TMEM61: variants seen among roughly 807,000 people sequenced by gnomAD.
TMEM61 encodes transmembrane protein 61.
In TMEM61, 13 loss-of-function variants were observed where a neutral mutation model predicts 12.0. The ratio of observed to expected loss-of-function variants is 1.08; its 90% CI spans 0.70 to 1.72. TMEM61 has a LOEUF of 1.72. Among genes scored for constraint, TMEM61 ranks in the 40% most tolerant of loss-of-function variants. The probability of loss-of-function intolerance (pLI) is 0.00; values close to 1 mark genes in which losing one functional copy is unlikely to be tolerated. For synonymous variants in TMEM61, 109 were observed against 121.4 expected (o/e 0.90, Z 0.67); for missense variants, 249 against 276.9 (o/e 0.90, Z 0.71).
Position 54,992,088 on chromosome 1 carries a change from A to C in TMEM61, c.618A>C (p.Ala206=), listed in dbSNP as rs1320123931. ...CCTGCTCAGGCCTGGTTCAGACTGC[A>C]CGGGGAGGAAGTTAAAGGCTCCTAG... ...TRSCSGLVQT[A]RGGS The change falls in exon 3 of 3, where the codon GCA becomes GCC. Residue 206 remains alanine, a synonymous_variant. Coordinates refer to ENST00000371268, the MANE Select transcript of TMEM61 (RefSeq NM_182532.3). 3 of 1,612,332 alleles carry C rather than the reference A, an allele frequency of 1.9e-6. No individual in the cohort carries two copies. The highest frequency in any genetic ancestry group is 2.5e-6 in the Non-Finnish European group (3 of 1,179,824).
chr1:54,981,706 G>C (rs1420656157), intron 1 of TMEM61, among the ~76,000 whole-genome samples: 2 of 152,192 alleles, frequency 1.3e-5, no homozygotes, highest in Admixed American at 1.3e-4. Context: ...CTTTGTGCAG[G>C]AGTGGGTGCA....
intron 1 of TMEM61, among the ~76,000 whole-genome samples, chr1:54,981,803 G>A (rs1172989325): frequency 1.3e-5 from 2 of 152,164 alleles, no homozygotes; most frequent in Non-Finnish European, 2.9e-5. Flanking sequence ...CCCTTGCCAG[G>A]GGGCAGATGA....
intron 2 of TMEM61, among the ~76,000 whole-genome samples, chr1:54,989,326 G>A (rs958216391): frequency 3.9e-5 from 6 of 152,200 alleles, no homozygotes; most frequent in Admixed American, 3.3e-4. Context: ...ACCCCCCAGG[G>A]TGGTTGTGAA....
intron 2 of TMEM61, among the ~76,000 whole-genome samples, chr1:54,989,449 C>T (rs776287780): frequency 6.6e-6 from 1 of 152,238 alleles, no homozygotes; most frequent in Non-Finnish European, 1.5e-5. Context: ...GGTGCCAGGC[C>T]CAGGTCTCCT....
Position 54,986,515 on chromosome 1 carries a change from C to G in TMEM61, c.365+69C>G, listed in dbSNP as rs545339978. The G allele has an allele frequency of 2.2e-6, 3 of 1,333,396 alleles. No homozygotes were observed. In the Admixed American group the frequency reaches 6.8e-5, roughly 30 times the overall value. The allele number at this position is 1,333,396 out of a possible 1,614,324, so 82.6% of individuals were successfully genotyped here. A position where few individuals can be genotyped will look rare whatever the true frequency, so the allele number is the denominator to read the frequency against. ...GGGCCCAGTCACACCAGCCCACCAG[C>G]CAGCATTTGTAATTCCAGCAAATTC... On this transcript the variant is annotated intron_variant, in intron 2 of 2. Coordinates refer to ENST00000371268, the MANE Select transcript of TMEM61 (RefSeq NM_182532.3).
intron 2 of TMEM61, 145 bp from the exon 3 acceptor site, chr1:54,991,691 A>T (rs1427964671): frequency 1.0e-6 from 1 of 1,002,056 alleles, no homozygotes; most frequent in Non-Finnish European, 1.5e-6. Context: ...CCAAGTTTCA[A>T]CTGCGTATAT....
At chr1:54,986,471 G>C in intron 2 of TMEM61, 25 bp downstream of exon 2, 1 of 1,519,850 alleles carries the variant, frequency 6.6e-7, no homozygotes, top group Non-Finnish European at 8.9e-7. Context: ...GTGTGGCAGC[G>C]GGTGGGGACT....
At position 54,986,796 on chromosome 1, in the gene TMEM61, G is replaced by A. The variant is rs139322660; in HGVS notation, c.365+350G>A. On this transcript the variant is annotated intron_variant, in intron 2 of 2. Transcript: ENST00000371268. ...GAGGGTTAAAAGCCTAGGCGCAAGA[G>A]TCAGACCCACTGGGACCCTGTTCTG... 6.9e-3 allele frequency among the ~76,000 whole-genome samples: 1,053 copies of A among 151,952 alleles called. 7 individuals carry two copies. Among genetic ancestry groups the A allele is most frequent in the Middle Eastern group, 0.02 (6 of 294 alleles).
At chr1:54,985,219 A>ATGTGTGTGTGTG (rs35817239) in intron 1 of TMEM61, among the ~76,000 whole-genome samples, 41 of 150,724 alleles carry the variant, frequency 2.7e-4, no homozygotes, top group African/African-American at 9.7e-4. Flanking sequence ...GAACGTGTGT[A>ATGTGTGTGTGTG]TGTGTGTGTG....
At chr1:54,981,209 C>T in intron 1 of TMEM61, 129 bp downstream of exon 1, 1 of 1,074,748 alleles carries the variant, frequency 9.3e-7, no homozygotes. Flanking sequence ...CGGGGCTCTG[C>T]CTGGGTTTTA....
At chr1:54,991,264 C>G (rs1034475997) in intron 2 of TMEM61, among the ~76,000 whole-genome samples, 1 of 152,200 alleles carries the variant, frequency 6.6e-6, no homozygotes, top group African/African-American at 2.4e-5. Flanking sequence ...GGATAGCAAA[C>G]TGTCCAGAGA....
rs777163589 is a variant in TMEM61 at position 54,991,820 on chromosome 1, T to G, written c.366-16T>G. 2 of 1,612,038 alleles carry G rather than the reference T, an allele frequency of 1.2e-6. No individual in the cohort carries two copies. Among genetic ancestry groups the G allele is most frequent in the Non-Finnish European group, 8.5e-7 (1 of 1,178,842 alleles). On this transcript the variant is annotated splice_polypyrimidine_tract_variant and intron_variant, in intron 2 of 2. Coordinates refer to ENST00000371268, the MANE Select transcript of TMEM61 (RefSeq NM_182532.3). ...TGCCCCAGCCCCTGCTAACAGCCTC[T>G]CTTCTGTTCCTGCAGGACCCCCAAA...
Position 54,991,867 on chromosome 1 carries a change from G to A in TMEM61, c.397G>A (p.Glu133Lys), listed in dbSNP as rs142872695. Residue 133 changes from glutamate to lysine, a missense_variant, in exon 3 of 3, where the codon GAG (glutamate) becomes AAG (lysine). Physicochemically the swap from Glu to Lys is moderately conservative, Grantham distance 56 (BLOSUM62 1). Coordinates refer to ENST00000371268, the MANE Select transcript of TMEM61 (RefSeq NM_182532.3). The part of the protein sequence containing the change: ...TPKVVDIPTY[E>K]EAVSFPVAEG... ...CAAAGTGGTTGACATCCCCACTTACGAGGAAGCCGTGAGCTTCCCAGTGGC... is the reference window on the plus strand; with the variant it reads ...CAAAGTGGTTGACATCCCCACTTACAAGGAAGCCGTGAGCTTCCCAGTGGC... 9.3e-6 allele frequency: 15 copies of A among 1,614,042 alleles called. No homozygotes were observed. The highest frequency in any genetic ancestry group is 6.6e-5 in the South Asian group (6 of 91,078).
intron 1 of TMEM61, 47 bp from the exon 2 acceptor site, chr1:54,986,050 C>T: frequency 6.6e-7 from 1 of 1,515,372 alleles, no homozygotes; most frequent in Non-Finnish European, 8.9e-7. Context: ...GCCTCCAGCA[C>T]CTTTCATATG....
chr1:54,981,100 TC>T lies in TMEM61; in HGVS notation c.15+23del. On this transcript the variant is annotated intron_variant, in intron 1 of 2. Transcript: ENST00000371268. ...CCCCAGGTGGGTGGAAACGGCCTTC[TC>T]CCTCCTTTACGGGCACTCAGCCCCT... is the stretch of plus-strand genomic sequence containing the variant. 3 of 1,585,240 alleles carry T rather than the reference TC, an allele frequency of 1.9e-6. No individual in the cohort carries two copies. The highest frequency in any genetic ancestry group is 2.3e-5 in the East Asian group (1 of 43,472).
rs1296212080 is a variant in TMEM61, at chr1:54,980,905, G to C, written c.-161G>C. 2.9e-6 allele frequency: 2 copies of C among 688,506 alleles called. No homozygotes were observed. The highest frequency in any genetic ancestry group is 4.4e-6 in the Non-Finnish European group (2 of 454,352). 42.6% of individuals were successfully genotyped at this position (688,506 alleles called of 1,614,324 possible). On this transcript the variant is annotated 5_prime_UTR_variant, in exon 1 of 3. Transcript: ENST00000371268. ...TTTTGCGGGCTGGGGAGCAGGGCTC[G>C]GGGGCAGCGGCCAGGCCCCTCCGCC...
chr1:54,986,339 G>T lies in TMEM61; in HGVS notation c.258G>T (p.Leu86=). ...GCCTGCTGCTGCTCATTGGCCTGCT[G>T]TGGTCCGTCAAGGCCAGCATCCCAG... ...AGGLLLLIGL[L]WSVKASIPGP... is the part of the protein sequence containing the mutation. Residue 86 remains leucine (L), a synonymous_variant, in exon 2 of 3, where the codon CTG becomes CTT. Coordinates refer to ENST00000371268, the MANE Select transcript of TMEM61 (RefSeq NM_182532.3). 1 of 1,614,088 alleles carries T rather than the reference G, an allele frequency of 6.2e-7. No individual in the cohort carries two copies.
Position 54,986,199 on chromosome 1 carries a change from G to C in TMEM61, c.118G>C (p.Glu40Gln). Reference sequence around the variant, plus strand: ...GACGCTCTGCTTCGCTTGGTGGAGCGAAGGGGATGCAACCGCCCAGCCTGG... The same window carrying C: ...GACGCTCTGCTTCGCTTGGTGGAGCCAAGGGGATGCAACCGCCCAGCCTGG... Reference protein sequence around the residue: ...AGTLCFAWWSEGDATAQPGQL... With the variant: ...AGTLCFAWWSQGDATAQPGQL... The change falls in exon 2 of 3, where the codon GAA becomes CAA. Residue 40 changes from glutamate to glutamine, a missense_variant. Coordinates refer to ENST00000371268, the MANE Select transcript of TMEM61 (RefSeq NM_182532.3). The C allele has an allele frequency of 6.2e-7, 1 of 1,613,882 alleles. No homozygotes were observed.
At chr1:54,985,940 G>A (rs1418291436) in intron 1 of TMEM61, among the ~76,000 whole-genome samples, 157 bp from the exon 2 acceptor site, 2 of 152,196 alleles carry the variant, frequency 1.3e-5, no homozygotes, top group Middle Eastern at 3.2e-3. Context: ...AAAGTCAGGG[G>A]CATCATCTCC....
Sources: allele counts gnomAD v4.1 joint callset (sites outside exome capture counted in the v4.1 genomes callset), GRCh38; gene constraint gnomAD v4.1.1; transcripts MANE v1.5; gene names NCBI Gene and HGNC (gene_info 2026-07-23, HGNC 2026-07-21).